Variants in CBX5 observed in about 807,000 individuals in gnomAD.
The protein encoded by CBX5 is chromobox protein homolog 5.
A neutral mutation model predicts 20.7 loss-of-function variants in CBX5; 7 were observed. The ratio of observed to expected loss-of-function variants is 0.34; its 90% CI spans 0.19 to 0.63. CBX5 has a LOEUF of 0.63. Among genes scored for constraint, CBX5 ranks in the 30% least tolerant of loss-of-function variants. The pLI is 0.75. For missense variants in CBX5, 110 were observed against 224.1 expected (o/e 0.49, Z 3.25); for synonymous variants, 78 against 77.0 (o/e 1.01, Z -0.07).
intron 2 of CBX5, among the ~76,000 whole-genome samples, chr12:54,254,714 G>A (rs1192341185): frequency 3.3e-5 from 5 of 151,850 alleles, no homozygotes; most frequent in Non-Finnish European, 7.4e-5. Context: ...TTAGAAGGGC[G>A]TGGTGGCGGG....
intron 1 of CBX5, among the ~76,000 whole-genome samples, chr12:54,260,700 C>G (rs926928435): frequency 1.3e-5 from 2 of 152,014 alleles, no homozygotes; most frequent in African/African-American, 2.4e-5. Flanking sequence ...CAGTATGTCT[C>G]AATACTTGAG....
intron 1 of CBX5, among the ~76,000 whole-genome samples, chr12:54,278,350 CAGA>C (rs1215433018): frequency 6.6e-6 from 1 of 152,216 alleles, no homozygotes; most frequent in African/African-American, 2.4e-5. Context: ...CTTTAGTTCT[CAGA>C]AGCTCAGCAA....
chr12:54,233,500 T>G lies in CBX5; in HGVS notation c.*8255A>C, dbSNP rs1943589684. The stretch of plus-strand genomic sequence containing the variant: ...TAAGAGTGTTGTGACATGATTAAAC[T>G]GTCTTTTCAGGTGTTCTCAAAGAAT... On this transcript the variant is annotated 3_prime_UTR_variant, in exon 5 of 5. Coordinates refer to ENST00000209875, the MANE Select transcript of CBX5 (RefSeq NM_012117.3). 6.6e-6 allele frequency: 1 copy of G among 152,230 alleles called. No individual in the cohort carries two copies. The highest frequency in any genetic ancestry group is 2.4e-5 in the African/African-American group (1 of 41,452). The allele number at this position is 152,230 out of a possible 1,614,324, so 9.4% of individuals were successfully genotyped here.
chr12:54,242,269 T>G (rs1251765280), intron 4 of CBX5, among the ~76,000 whole-genome samples: 3 of 152,084 alleles, frequency 2.0e-5, no homozygotes, highest in Non-Finnish European at 4.4e-5. Flanking sequence ...CTCACACCTG[T>G]AATCCCAGCA....
In CBX5 at chr12:54,233,307, T is replaced by G. The variant is rs941026586; in HGVS notation, c.*8448A>C. The G allele has an allele frequency of 2.0e-5, 3 of 152,142 alleles. No individual in the cohort carries two copies. The highest frequency in any genetic ancestry group is 2.0e-4 in the Admixed American group (3 of 15,272). 9.4% of individuals were successfully genotyped at this position (152,142 alleles called of 1,614,324 possible). A position where few individuals can be genotyped will look rare whatever the true frequency, so the allele number is the denominator to read the frequency against. On this transcript the variant is annotated 3_prime_UTR_variant, in exon 5 of 5. Coordinates refer to ENST00000209875, the MANE Select transcript of CBX5 (RefSeq NM_012117.3). ...GAAGAAAAAACAGTTATGTCTTTTC[T>G]CCCCCTTTGGATTTACTTTGGATTC... is the stretch of plus-strand genomic sequence containing the variant.
intron 1 of CBX5, chr12:54,276,786 T>C (rs1056210756): frequency 2.0e-5 from 3 of 152,216 alleles, no homozygotes; most frequent in African/African-American, 4.8e-5. Flanking sequence ...TCTGCACGTT[T>C]AGTGAAATGT....
chr12:54,263,466 G>A (rs1057233415), intron 1 of CBX5, among the ~76,000 whole-genome samples: 24 of 152,024 alleles, frequency 1.6e-4, no homozygotes, highest in African/African-American at 4.8e-4. Flanking sequence ...CCGGCACAGC[G>A]GCTCTCGCCT....
chr12:54,242,767 A>C (rs1943691777), intron 4 of CBX5, among the ~76,000 whole-genome samples: 1 of 150,788 alleles, frequency 6.6e-6, no homozygotes, highest in South Asian at 2.1e-4. Flanking sequence ...CAAGTATAAC[A>C]AAAAAAAATC....
chr12:54,255,216 C>T (rs1474473379), intron 2 of CBX5, among the ~76,000 whole-genome samples: 1 of 152,002 alleles, frequency 6.6e-6, no homozygotes, highest in Non-Finnish European at 1.5e-5. Flanking sequence ...CGCTTGAACC[C>T]AAGAGAGCGA....
intron 1 of CBX5, among the ~76,000 whole-genome samples, chr12:54,264,344 A>G (rs1943940198): frequency 1.3e-5 from 2 of 152,106 alleles, no homozygotes; most frequent in Non-Finnish European, 2.9e-5. Flanking sequence ...TTTTGGTGAG[A>G]TGCAGTCTCA....
intron 4 of CBX5, among the ~76,000 whole-genome samples, chr12:54,245,734 A>T (rs1341723242): frequency 6.6e-6 from 1 of 151,762 alleles, no homozygotes; most frequent in Non-Finnish European, 1.5e-5. Flanking sequence ...AGGTTGCGGT[A>T]AGCCGAGATC....
At chr12:54,262,059 T>A (rs1440258502) in intron 1 of CBX5, among the ~76,000 whole-genome samples, 1 of 152,246 alleles carries the variant, frequency 6.6e-6, no homozygotes, top group Non-Finnish European at 1.5e-5. Context: ...ACAGTGTCTT[T>A]GTTAACTAGG....
At chr12:54,262,246 G>C (rs1355169836) in intron 1 of CBX5, among the ~76,000 whole-genome samples, 2 of 152,194 alleles carry the variant, frequency 1.3e-5, no homozygotes, top group Non-Finnish European at 2.9e-5. Flanking sequence ...ACATTTTGGT[G>C]AAACCTTTCA....
In CBX5 at chr12:54,233,100, G is replaced by C. The variant is rs1219908216; in HGVS notation, c.*8655C>G. 1 of 152,086 alleles carries C rather than the reference G, an allele frequency of 6.6e-6. No homozygotes were observed. The highest frequency in any genetic ancestry group is 2.4e-5 in the African/African-American group (1 of 41,388). 9.4% of individuals were successfully genotyped at this position (152,086 alleles called of 1,614,324 possible). On this transcript the variant is annotated 3_prime_UTR_variant, in exon 5 of 5. Transcript: ENST00000209875. ...AGGGCTGCATTTTTCCAACCTTTCT[G>C]CCTCAGCTCAACTTCAAGAGTTACA...
intron 3 of CBX5, among the ~76,000 whole-genome samples, chr12:54,246,705 C>T (rs545853173): frequency 6.8e-5 from 10 of 148,050 alleles, no homozygotes; most frequent in Non-Finnish European, 1.3e-4. Flanking sequence ...TGCTTGAACC[C>T]GGGATGCGGA....
rs1326143945 is a variant in CBX5 at position 54,241,609 on chromosome 12, A to G, written c.*146T>C. 7.2e-6 allele frequency: 5 copies of G among 697,890 alleles called. No homozygotes were observed. In the African/African-American group the frequency reaches 7.2e-5, roughly 10 times the overall value. 43.2% of individuals were successfully genotyped at this position (697,890 alleles called of 1,614,324 possible). ...CCATCAGTTATGTTACAAGAGAACCAATACCAACATTTCTCCTGTGGAGCA... is the reference window on the plus strand; with the variant it reads ...CCATCAGTTATGTTACAAGAGAACCGATACCAACATTTCTCCTGTGGAGCA... On this transcript the variant is annotated 3_prime_UTR_variant, in exon 5 of 5. Transcript: ENST00000209875.
At chr12:54,245,758 C>T (rs1943729232) in intron 4 of CBX5, among the ~76,000 whole-genome samples, 1 of 151,886 alleles carries the variant, frequency 6.6e-6, no homozygotes, top group South Asian at 2.1e-4. Flanking sequence ...CCATTGCACT[C>T]CAGCCTGGGC....
chr12:54,279,348 G>A (rs967653946), intron 1 of CBX5, among the ~76,000 whole-genome samples: 5 of 152,096 alleles, frequency 3.3e-5, no homozygotes, highest in African/African-American at 9.7e-5. Context: ...TGGTGAGGGG[G>A]CGGGGGAAAA....
rs546412578 is a variant in CBX5, at chr12:54,265,572, CTGTT to C, written c.-42-7884_-42-7881del. On this transcript the variant is annotated intron_variant, in intron 1 of 4. Coordinates refer to ENST00000209875, the MANE Select transcript of CBX5 (RefSeq NM_012117.3). ...GAGGAGTTAAAAGCTTTTTAAATGT[CTGTT>C]TAAGAGACTAGATTAGGAAAGAGTT... Among the ~76,000 whole-genome samples the C allele has an allele frequency of 3.3e-3, 497 of 152,280 alleles. 2 individuals carry two copies. Among genetic ancestry groups the C allele is most frequent in the African/African-American group, 0.012 (481 of 41,554 alleles).
Sources: allele counts gnomAD v4.1 joint callset (sites outside exome capture counted in the v4.1 genomes callset), GRCh38; gene constraint gnomAD v4.1.1; transcripts MANE v1.5; gene names NCBI Gene and HGNC (gene_info 2026-07-23, HGNC 2026-07-21).